Variants in ACOX3 observed in about 807,000 individuals in gnomAD.
ACOX3 encodes the protein peroxisomal acyl-coenzyme A oxidase 3.
A neutral mutation model predicts 81.5 loss-of-function variants in ACOX3; 73 were observed. The ratio of observed to expected loss-of-function variants is 0.90; its 90% CI spans 0.74 to 1.09. ACOX3 has a LOEUF of 1.09. Among genes scored for constraint, ACOX3 ranks in the 50% least tolerant of loss-of-function variants. ACOX3 has a pLI of 0.00. For missense variants in ACOX3, 947 were observed against 928.0 expected, an observed-to-expected ratio of 1.02 and a Z score of -0.27; for synonymous variants, 387 against 375.1, an observed-to-expected ratio of 1.03 and a Z score of -0.37.
At chr4:8,415,023 C>T in intron 3 of ACOX3, 95 bp from the exon 4 acceptor site, 1 of 1,136,054 alleles carries the variant, frequency 8.8e-7, no homozygotes, top group East Asian at 2.4e-5. Context: ...CAACACCATG[C>T]CCACGCTGGT....
Position 8,406,102 on chromosome 4 carries a change from A to C in ACOX3, c.688-59T>G. 2 of 1,545,300 alleles carry C rather than the reference A, an allele frequency of 1.3e-6. No individual in the cohort carries two copies. Among genetic ancestry groups the C allele is most frequent in the Non-Finnish European group, 8.9e-7 (1 of 1,119,010 alleles). ...CTGTTACAATCACACAAAAATCAAA[A>C]CAAATGTGTTCAGAAACCCACAGGG... On this transcript the variant is annotated intron_variant, in intron 6 of 17. Coordinates refer to ENST00000356406, the MANE Select transcript of ACOX3 (RefSeq NM_003501.3). The surrounding 1 kb of genome is among the most constrained non-coding windows in gnomAD (Gnocchi z 5.6).
Position 8,368,210 on chromosome 4 carries a change from C to A in ACOX3, c.1984-1130G>T, listed in dbSNP as rs1390207757. ...TGATTTCTGGACCTGGGCCACCACA[C>A]CCTGCTCCTCTGGTCCTGCCCCGGG... On this transcript the variant is annotated intron_variant, in intron 17 of 17. Coordinates refer to ENST00000356406, the MANE Select transcript of ACOX3 (RefSeq NM_003501.3). The surrounding 1 kb of genome is among the most constrained non-coding windows in gnomAD (Gnocchi z 5.9). Among the ~76,000 whole-genome samples, 1 of 152,234 alleles carries A rather than the reference C, an allele frequency of 6.6e-6. No homozygotes were observed. Among genetic ancestry groups the A allele is most frequent in the African/African-American group, 2.4e-5 (1 of 41,468 alleles).
At chr4:8,387,612 C>T (rs73209478) in intron 13 of ACOX3, among the ~76,000 whole-genome samples, 1,554 of 152,270 alleles carry the variant, frequency 0.01, 13 homozygotes, top group South Asian at 0.035. Context: ...GCTTTACAGA[C>T]GGGGGCTGTG....
chr4:8,428,157 G>A (rs1427494454), intron 1 of ACOX3, among the ~76,000 whole-genome samples: 3 of 152,232 alleles, frequency 2.0e-5, no homozygotes, highest in African/African-American at 7.2e-5. Flanking sequence ...CCAGCACGTG[G>A]GCCACCGGCC....
At chr4:8,356,532 CACAGAGTATG>C in the ACOX3 span, 1 of 452,444 alleles carries the variant, frequency 2.2e-6, no homozygotes, top group Non-Finnish European at 4.5e-6. Context: ...AAAAGATGTC[CACAGAGTATG>C]ACCCATTTCT....
intron 1 of ACOX3, among the ~76,000 whole-genome samples, chr4:8,422,218 G>C (rs1477010424): frequency 6.6e-6 from 1 of 151,972 alleles, no homozygotes; most frequent in Non-Finnish European, 1.5e-5. Context: ...AAGTCAAAGA[G>C]AAAGAGAGAG....
chr4:8,377,882 C>T (rs1010477809), intron 14 of ACOX3, among the ~76,000 whole-genome samples: 10 of 152,200 alleles, frequency 6.6e-5, no homozygotes, highest in Non-Finnish European at 1.0e-4. Context: ...TTAGGGCTGG[C>T]GCACTCCAGC....
rs1469998567 is a variant in ACOX3, at chr4:8,385,075, G to A, written c.1538-3468C>T. On this transcript the variant is annotated intron_variant, in intron 13 of 17. Coordinates refer to ENST00000356406, the MANE Select transcript of ACOX3 (RefSeq NM_003501.3). The surrounding 1 kb of genome is among the most constrained non-coding windows in gnomAD (Gnocchi z 5.5). ...GCCTGGCCCCTGCCAGGTGGCATGG[G>A]GTGACCGCATTCCCTCCCCACTGTC... Among the ~76,000 whole-genome samples the A allele has an allele frequency of 6.6e-6, 1 of 152,214 alleles. No homozygotes were observed. Among genetic ancestry groups the A allele is most frequent in the South Asian group, 2.1e-4 (1 of 4,810 alleles).
At chr4:8,383,570 C>A (rs868572412) in intron 13 of ACOX3, among the ~76,000 whole-genome samples, 9 of 152,310 alleles carry the variant, frequency 5.9e-5, no homozygotes, top group East Asian at 1.9e-4. Flanking sequence ...AAAGCCCCCC[C>A]ACCACGAGAG....
At chr4:8,435,987 T>G (rs1362452473) in intron 1 of ACOX3, among the ~76,000 whole-genome samples, 1 of 152,068 alleles carries the variant, frequency 6.6e-6, no homozygotes, top group Non-Finnish European at 1.5e-5. Context: ...AAGTGGGCCC[T>G]CTCAGATCTG....
Position 8,393,584 on chromosome 4 carries a change from G to A in ACOX3, c.1179+1036C>T, listed in dbSNP as rs1408857314. 2.7e-5 allele frequency among the ~76,000 whole-genome samples: 4 copies of A among 149,008 alleles called. No individual in the cohort carries two copies. In the East Asian group the frequency reaches 5.9e-4, roughly 22 times the overall value. On this transcript the variant is annotated intron_variant, in intron 10 of 17. Transcript: ENST00000356406. ...TTTAAAAAAGAAAGACAATTAAAAA[G>A]GAAAAACAATTAAGAGGAAGACACA...
chr4:8,372,005 T>C (rs1716276837), intron 16 of ACOX3, among the ~76,000 whole-genome samples: 2 of 152,240 alleles, frequency 1.3e-5, no homozygotes, highest in Admixed American at 6.5e-5. Context: ...CTGGCTGACC[T>C]TGGCCTCCCC....
Position 8,399,731 on chromosome 4 carries a change from G to C in ACOX3, c.777-79C>G. On this transcript the variant is annotated intron_variant, in intron 7 of 17. Coordinates refer to ENST00000356406, the MANE Select transcript of ACOX3 (RefSeq NM_003501.3). This position sits in a 1 kb window ranked among gnomAD's most constrained non-coding sequence, Gnocchi z 4.9. ...TCTCTTCTCCAAGGGCAGCCTAAAA[G>C]CTGATGCAATCCCCGAGGACAAAGA... 7.8e-7 allele frequency: 1 copy of C among 1,286,994 alleles called. No homozygotes were observed. Among genetic ancestry groups the C allele is most frequent in the Non-Finnish European group, 1.1e-6 (1 of 892,980 alleles). 79.7% of individuals were successfully genotyped at this position (1,286,994 alleles called of 1,614,324 possible). A position where few individuals can be genotyped will look rare whatever the true frequency, so the allele number is the denominator to read the frequency against.
At chr4:8,397,240 A>T in intron 8 of ACOX3, 121 bp from the exon 9 acceptor site, 1 of 997,342 alleles carries the variant, frequency 1.0e-6, no homozygotes, top group Non-Finnish European at 1.4e-6. Flanking sequence ...CCACCTGCCC[A>T]GGCCCCATCC....
chr4:8,385,033 C>T lies in ACOX3; in HGVS notation c.1538-3426G>A, dbSNP rs577419483. ...GTGGCCCCCCACACGCAGCAGCCCC[C>T]CACCGAGGGCACCATGGCCTGGCCC... On this transcript the variant is annotated intron_variant, in intron 13 of 17. Transcript: ENST00000356406. This position sits in a 1 kb window ranked among gnomAD's most constrained non-coding sequence, Gnocchi z 5.5. Among the ~76,000 whole-genome samples, 32 of 152,322 alleles carry T rather than the reference C, an allele frequency of 2.1e-4. No individual in the cohort carries two copies. Among genetic ancestry groups the T allele is most frequent in the African/African-American group, 7.7e-4 (32 of 41,578 alleles).
rs998593363 is a variant in ACOX3 at position 8,437,270 on chromosome 4, A to G, written c.-15+3378T>C. Among the ~76,000 whole-genome samples the G allele has an allele frequency of 1.3e-5, 2 of 151,748 alleles. No homozygotes were observed. The highest frequency in any genetic ancestry group is 4.8e-5 in the African/African-American group (2 of 41,346). The stretch of plus-strand genomic sequence containing the variant: ...GGCGTATGTTAGCTGTGACCAAGGA[A>G]CAAAACAGGAAAGAGCAAAAGCAAC... On this transcript the variant is annotated intron_variant, in intron 1 of 17. Transcript: ENST00000356406. The surrounding 1 kb of genome is among the most constrained non-coding windows in gnomAD (Gnocchi z 5.2).
At position 8,414,775 on chromosome 4, in the gene ACOX3, CA is replaced by C. The variant is rs1327327488; in HGVS notation, c.453+78del. 1 of 1,473,780 alleles carries C rather than the reference CA, an allele frequency of 6.8e-7. No homozygotes were observed. The highest frequency in any genetic ancestry group is 1.4e-5 in the African/African-American group (1 of 71,800). The allele number at this position is 1,473,780 out of a possible 1,614,324, so 91.3% of individuals were successfully genotyped here. A position where few individuals can be genotyped will look rare whatever the true frequency, so the allele number is the denominator to read the frequency against. Reference sequence around the variant, plus strand: ...TAAGCCCCCTGGGCACCCCCTTCTACAATCTTCTCTTTTCACAAATCTCTAC... The same window carrying C: ...TAAGCCCCCTGGGCACCCCCTTCTACATCTTCTCTTTTCACAAATCTCTAC... On this transcript the variant is annotated intron_variant, in intron 4 of 17. Coordinates refer to ENST00000356406, the MANE Select transcript of ACOX3 (RefSeq NM_003501.3). This position sits in a 1 kb window ranked among gnomAD's most constrained non-coding sequence, Gnocchi z 6.1.
intron 16 of ACOX3, among the ~76,000 whole-genome samples, chr4:8,373,147 GAA>G (rs1716443746): frequency 6.6e-6 from 1 of 152,232 alleles, no homozygotes; most frequent in South Asian, 2.1e-4. Flanking sequence ...AATGCTCAGA[GAA>G]TTCTCAAAGT....
chr4:8,428,046 T>G (rs145459648), intron 1 of ACOX3, among the ~76,000 whole-genome samples: 4 of 152,338 alleles, frequency 2.6e-5, no homozygotes, highest in African/African-American at 9.6e-5. Context: ...GGCTTCAAGA[T>G]CACTATTCTG....
Sources: allele counts gnomAD v4.1 joint callset (sites outside exome capture counted in the v4.1 genomes callset), GRCh38; gene constraint gnomAD v4.1.1; non-coding constraint Gnocchi (gnomAD v3.1); transcripts MANE v1.5; gene names NCBI Gene and HGNC (gene_info 2026-07-23, HGNC 2026-07-21).